Variants in MSI2 observed in about 807,000 individuals in gnomAD.
MSI2 encodes musashi RNA binding protein 2, also known as RNA-binding protein Musashi homolog 2.
In MSI2, 17 loss-of-function variants were observed where a neutral mutation model predicts 45.6. The ratio of observed to expected loss-of-function variants is 0.37; its 90% CI spans 0.26 to 0.56. The LOEUF is 0.56. MSI2 is among the 20% of genes least tolerant of loss of function. The pLI, the probability that MSI2 is intolerant of heterozygous loss-of-function variation, is 0.77. For missense variants in MSI2, 293 were observed against 444.2 expected (o/e 0.66, Z 3.06); for synonymous variants, 156 against 158.2 (o/e 0.99, Z 0.11).
chr17:57,673,325 A>G (rs1912960943), intron 11 of MSI2, among the ~76,000 whole-genome samples: 1 of 152,248 alleles, frequency 6.6e-6, no homozygotes, highest in Non-Finnish European at 1.5e-5. Context: ...GGCCAAAGCC[A>G]GGAGTGACCC....
intron 10 of MSI2, chr17:57,632,174 T>C: frequency 8.5e-7 from 1 of 1,175,098 alleles, no homozygotes; most frequent in Non-Finnish European, 1.1e-6. Context: ...TCAAATGTTT[T>C]TAAGTCATGA....
intron 6 of MSI2, among the ~76,000 whole-genome samples, chr17:57,500,446 G>C (rs566248982): frequency 6.6e-6 from 1 of 151,678 alleles, no homozygotes; most frequent in African/African-American, 2.4e-5. Flanking sequence ...TGGGTGCAGG[G>C]AGGGAAGAGC....
At chr17:57,558,142 G>A (rs1441176343) in intron 7 of MSI2, among the ~76,000 whole-genome samples, 2 of 152,170 alleles carry the variant, frequency 1.3e-5, no homozygotes, top group African/African-American at 4.8e-5. Flanking sequence ...GGCTCTGGGG[G>A]AAAAGGACAT....
At chr17:57,555,513 C>T (rs952652446) in intron 7 of MSI2, among the ~76,000 whole-genome samples, 9 of 152,152 alleles carry the variant, frequency 5.9e-5, no homozygotes, top group Non-Finnish European at 1.3e-4. Context: ...AGCCAGGTTC[C>T]CTGTCAACTT....
chr17:57,691,415 G>C, the MSI2 span, among the ~76,000 whole-genome samples: 1 of 152,132 alleles, frequency 6.6e-6, no homozygotes, highest in Non-Finnish European at 1.5e-5. Context: ...TGTGGCTAGG[G>C]TTTTAATTGT....
chr17:57,615,207 A>G (rs2144556515), intron 8 of MSI2, among the ~76,000 whole-genome samples: 1 of 149,096 alleles, frequency 6.7e-6, no homozygotes, highest in African/African-American at 2.5e-5. Context: ...GGCTCACTGC[A>G]GCCTTGACCT....
At position 57,573,715 on chromosome 17, in the gene MSI2, G is replaced by A. The variant is rs142930500; in HGVS notation, c.455-23153G>A. 8.3e-3 allele frequency among the ~76,000 whole-genome samples: 1,266 copies of A among 152,334 alleles called. 15 individuals are homozygous for A. Among genetic ancestry groups the A allele is most frequent in the South Asian group, 0.029 (138 of 4,826 alleles). ...ACTAAGCCTTCCATTTATTTTGGTTGATCTTCCAGGGGCTGATGGAGGAGT... is the reference window on the plus strand; with the variant it reads ...ACTAAGCCTTCCATTTATTTTGGTTAATCTTCCAGGGGCTGATGGAGGAGT... On this transcript the variant is annotated intron_variant, in intron 7 of 13. Coordinates refer to ENST00000284073, the MANE Select transcript of MSI2 (RefSeq NM_138962.4).
intron 6 of MSI2, among the ~76,000 whole-genome samples, chr17:57,490,325 G>A (rs1386680670): frequency 6.6e-6 from 1 of 152,208 alleles, no homozygotes. Context: ...ATCTATTGCT[G>A]ACACCTGATG....
At chr17:57,554,241 G>T (rs185089137) in intron 7 of MSI2, among the ~76,000 whole-genome samples, 3 of 152,058 alleles carry the variant, frequency 2.0e-5, no homozygotes, top group South Asian at 2.1e-4. Flanking sequence ...GCGGGGGAGG[G>T]GGGGGATGGT....
At chr17:57,258,469 T>G (rs1907021553) in intron 4 of MSI2, 115 bp downstream of exon 4, 1 of 924,770 alleles carries the variant, frequency 1.1e-6, no homozygotes, top group Admixed American at 1.8e-5. Flanking sequence ...CTGGGTAGTT[T>G]TAAACTGAGC....
intron 6 of MSI2, among the ~76,000 whole-genome samples, chr17:57,470,968 G>C (rs900236352): frequency 3.3e-4 from 50 of 152,224 alleles, no homozygotes; most frequent in Admixed American, 1.3e-4. Context: ...GGCCACCCCA[G>C]GAGGGATGGC....
At chr17:57,523,850 G>A (rs1409288194) in intron 6 of MSI2, among the ~76,000 whole-genome samples, 1 of 152,146 alleles carries the variant, frequency 6.6e-6, no homozygotes, top group African/African-American at 2.4e-5. Context: ...TCTATCTTCT[G>A]ATTACAAGCT....
At chr17:57,568,479 G>C in intron 7 of MSI2, among the ~76,000 whole-genome samples, 1 of 152,174 alleles carries the variant, frequency 6.6e-6, no homozygotes, top group East Asian at 1.9e-4. Context: ...AGTGCCTTAG[G>C]ATATGAGGCC....
intron 6 of MSI2, among the ~76,000 whole-genome samples, chr17:57,518,765 A>G (rs377262222): frequency 6.6e-6 from 1 of 152,188 alleles, no homozygotes; most frequent in East Asian, 1.9e-4. Context: ...CCCCCAGCAC[A>G]TGCACGCACG....
chr17:57,487,228 C>G (rs2085772741), intron 6 of MSI2, among the ~76,000 whole-genome samples: 1 of 152,198 alleles, frequency 6.6e-6, no homozygotes, highest in African/African-American at 2.4e-5. Context: ...ATAGTAGCAG[C>G]TTTGATGCCA....
intron 8 of MSI2, among the ~76,000 whole-genome samples, chr17:57,612,696 T>C (rs540530598): frequency 2.4e-4 from 37 of 152,194 alleles, no homozygotes; most frequent in Non-Finnish European, 4.9e-4. Context: ...GTGGGTTTGT[T>C]TAAAACACTC....
chr17:57,484,311 T>C (rs904163182), intron 6 of MSI2, among the ~76,000 whole-genome samples: 6 of 152,306 alleles, frequency 3.9e-5, no homozygotes, highest in African/African-American at 1.2e-4. Flanking sequence ...TCCATGTCTG[T>C]ACCTCCACCC....
chr17:57,410,094 A>G (rs932811020), intron 6 of MSI2, among the ~76,000 whole-genome samples: 3 of 151,194 alleles, frequency 2.0e-5, no homozygotes, highest in Admixed American at 2.0e-4. Context: ...CGTAGGGAGA[A>G]GACCTGGGCA....
rs566783233 is a variant in MSI2 at position 57,504,943 on chromosome 17, AAAG to A, written c.406-24727_406-24725del. Among the ~76,000 whole-genome samples the A allele has an allele frequency of 5.3e-5, 8 of 152,052 alleles. No individual in the cohort carries two copies. The South Asian group carries it at 1.0e-3, about 20-fold the overall frequency. ...CGAAACTCCATTTAAAAAAAAAAAA[AAAG>A]AAGAAAAAGTAAGGAAAGGGGAGAA... On this transcript the variant is annotated intron_variant, in intron 6 of 13. Transcript: ENST00000284073.
Sources: gnomAD v4.1 joint callset for allele counts (sites outside exome capture counted in the v4.1 genomes callset) on GRCh38, gnomAD v4.1.1 for gene constraint, MANE v1.5 for transcripts, NCBI Gene and HGNC (gene_info 2026-07-23, HGNC 2026-07-21) for gene names.